The following DOP1B variants were observed in gnomAD, a reference collection of about 807,000 sequenced individuals.
DOP1B encodes protein DOP1B.
In DOP1B, 174 loss-of-function variants were observed where a neutral mutation model predicts 233.5. That is an observed-to-expected ratio of 0.75 (90% CI 0.66 to 0.85). The LOEUF (loss-of-function observed/expected upper bound fraction) is 0.85, where lower values mean the gene tolerates loss of function less well. Ranked by LOEUF, DOP1B falls within the 40% of genes least tolerant of loss-of-function variation. The probability of loss-of-function intolerance (pLI) is 0.00; values close to 1 mark genes in which losing one functional copy is unlikely to be tolerated. For synonymous variants in DOP1B, 1,190 were observed against 1,185.6 expected, an observed-to-expected ratio of 1.00 and a Z score of -0.08; for missense variants, 2,652 against 2,846.6, an observed-to-expected ratio of 0.93 and a Z score of 1.56.
Position 36,223,246 on chromosome 21 carries a change from CAG to C in DOP1B, c.1268_1269del (p.Arg423LysfsTer4). 6.2e-7 allele frequency: 1 copy of C among 1,602,730 alleles called. No homozygotes were observed. Among genetic ancestry groups the C allele is most frequent in the Non-Finnish European group, 8.5e-7 (1 of 1,177,016 alleles). ...NSLISAIKEN[R>X]NASEIVKTVN... ...CCTTTTACAGTGCAATCAAGGAAAA[CAG>C]AAATGCCTCTGAGATTGTCAAAACG... is the stretch of plus-strand genomic sequence containing the variant. On this transcript the variant is annotated frameshift_variant, in exon 11 of 37. Coordinates refer to ENST00000691173, the MANE Select transcript of DOP1B (RefSeq NM_001320714.2). LOFTEE classifies it high-confidence loss of function.
In DOP1B at chr21:36,239,825, C is replaced by T. The variant is rs1199273672; in HGVS notation, c.2937C>T (p.Ala979=). 1 of 1,571,020 alleles carries T rather than the reference C, an allele frequency of 6.4e-7. No individual in the cohort carries two copies. Among genetic ancestry groups the T allele is most frequent in the African/African-American group, 1.4e-5 (1 of 73,794 alleles). Residue 979 remains alanine, a synonymous_variant, in exon 18 of 37, where the codon GCC becomes GCT. Coordinates refer to ENST00000691173, the MANE Select transcript of DOP1B (RefSeq NM_001320714.2). The part of the protein sequence containing the change: ...ACTDGAIGAA[A]QGWLVRALSL... ...CGGATGGTGCCATCGGTGCGGCAGC[C>T]CAGGGCTGGCTGGTGCGTGCGCTCT... is the stretch of plus-strand genomic sequence containing the variant.
Position 36,211,455 on chromosome 21 carries a change from A to G in DOP1B, c.682-98A>G, listed in dbSNP as rs145927041. On this transcript the variant is annotated intron_variant, in intron 5 of 36. Coordinates refer to ENST00000691173, the MANE Select transcript of DOP1B (RefSeq NM_001320714.2). ...GGCTGCTGGTTCTCTTCTGAGTGAT[A>G]TAACGCAGGAGTTTCAAGATTCCCG... The G allele has an allele frequency of 9.3e-3, 10,221 of 1,094,704 alleles. 81 individuals are homozygous for G. Among genetic ancestry groups the G allele is most frequent in the Non-Finnish European group, 0.011 (8,309 of 724,940 alleles). 67.8% of individuals were successfully genotyped at this position (1,094,704 alleles called of 1,614,324 possible).
chr21:36,208,005 G>C (rs1202498256), intron 4 of DOP1B, among the ~76,000 whole-genome samples: 1 of 152,176 alleles, frequency 6.6e-6, no homozygotes, highest in Admixed American at 6.5e-5. Flanking sequence ...CTCTTAAAAG[G>C]ATGCATGAGA....
chr21:36,268,406 T>C (rs1234859706), intron 26 of DOP1B, among the ~76,000 whole-genome samples: 3 of 152,218 alleles, frequency 2.0e-5, no homozygotes, highest in Admixed American at 2.0e-4. Flanking sequence ...CCTTGTTCCC[T>C]AAAAATCACT....
At chr21:36,287,876 A>C (rs932030416) in intron 32 of DOP1B, 138 bp from the exon 33 acceptor site, 1 of 1,120,814 alleles carries the variant, frequency 8.9e-7, no homozygotes, top group African/African-American at 1.6e-5. Context: ...CGAGCCACCA[A>C]GCCTGGCCTG....
chr21:36,270,181 T>C (rs1211191622), intron 27 of DOP1B, 24 bp downstream of exon 27: 1 of 1,611,416 alleles, frequency 6.2e-7, no homozygotes, highest in East Asian at 2.2e-5. Context: ...GGTTGGCTGA[T>C]AGTGCCTCTG....
chr21:36,239,911 C>G lies in DOP1B; in HGVS notation c.3023C>G (p.Thr1008Ser). Residue 1008 changes from threonine (T) to serine (S), a missense_variant, in exon 18 of 37, where the codon ACC becomes AGC. Coordinates refer to ENST00000691173, the MANE Select transcript of DOP1B (RefSeq NM_001320714.2). ...PVLLLLLQPK[T>S]QRTSIHCLKQ... ...CTCCTGCTGCTGCTGCAGCCAAAAACCCAGAGAACCTCCATCCACTGCCTC... is the reference window on the plus strand; with the variant it reads ...CTCCTGCTGCTGCTGCAGCCAAAAAGCCAGAGAACCTCCATCCACTGCCTC... 1 of 1,610,404 alleles carries G rather than the reference C, an allele frequency of 6.2e-7. No homozygotes were observed. The highest frequency in any genetic ancestry group is 8.5e-7 in the Non-Finnish European group (1 of 1,179,488).
chr21:36,231,144 A>G lies in DOP1B; in HGVS notation c.2350+10A>G. 1 of 1,564,366 alleles carries G rather than the reference A, an allele frequency of 6.4e-7. No homozygotes were observed. Among genetic ancestry groups the G allele is most frequent in the Non-Finnish European group, 8.7e-7 (1 of 1,152,360 alleles). On this transcript the variant is annotated intron_variant, in intron 14 of 36. Transcript: ENST00000691173. ...CTCTTCCAGCTGCCAGGTGAGAGGC[A>G]GCCCTGCCGAAGTCCCTCTTTGGGA...
At chr21:36,286,774 C>T (rs1429461176) in intron 32 of DOP1B, among the ~76,000 whole-genome samples, 2 of 152,018 alleles carry the variant, frequency 1.3e-5, no homozygotes, top group African/African-American at 4.8e-5. Context: ...ATCAGCCTGG[C>T]CAACATGGCT....
chr21:36,266,326 G>A (rs963305467), intron 26 of DOP1B, among the ~76,000 whole-genome samples: 1 of 151,998 alleles, frequency 6.6e-6, no homozygotes, highest in Non-Finnish European at 1.5e-5. Context: ...ACAGGTGCCC[G>A]CCACAATGCC....
chr21:36,190,497 A>G (rs2066220952), intron 2 of DOP1B, among the ~76,000 whole-genome samples: 1 of 151,768 alleles, frequency 6.6e-6, no homozygotes, highest in Admixed American at 6.6e-5. Context: ...TCCCGGGTTC[A>G]AGTGATCCTC....
chr21:36,219,351 C>T (rs1273165237), intron 9 of DOP1B, 21 bp from the exon 10 acceptor site: 1 of 1,614,002 alleles, frequency 6.2e-7, no homozygotes, highest in South Asian at 1.1e-5. Context: ...CTGTCTCTGA[C>T]CATCTTCCTT....
In DOP1B at chr21:36,245,429, TG is replaced by T. The variant is rs764554714; in HGVS notation, c.3455del (p.Gly1152AlafsTer25). ...NEENCCAPIP[M>X]GGRAYPKRSA... The stretch of plus-strand genomic sequence containing the variant: ...GAGAACTGCTGTGCACCCATCCCCA[TG>T]GGGGGCAGGGCGTACCCCAAGCGCT... On this transcript the variant is annotated frameshift_variant, in exon 19 of 37. Transcript: ENST00000691173. LOFTEE classifies it high-confidence loss of function. This position sits in a 1 kb window ranked among gnomAD's most constrained non-coding sequence, Gnocchi z 5.5. 2.5e-6 allele frequency: 4 copies of T among 1,613,738 alleles called. No individual in the cohort carries two copies. Among genetic ancestry groups the T allele is most frequent in the Admixed American group, 1.7e-5 (1 of 60,000 alleles).
At chr21:36,202,389 A>G (rs2066378621) in intron 4 of DOP1B, among the ~76,000 whole-genome samples, 1 of 152,166 alleles carries the variant, frequency 6.6e-6, no homozygotes, top group Non-Finnish European at 1.5e-5. Flanking sequence ...AAAAGCTGCC[A>G]TGTGATTACA....
intron 21 of DOP1B, among the ~76,000 whole-genome samples, chr21:36,248,939 T>G (rs1182698075): frequency 6.6e-6 from 1 of 151,542 alleles, no homozygotes; most frequent in African/African-American, 2.4e-5. Flanking sequence ...ACCCCATCTC[T>G]ACTAAAAATA....
At chr21:36,243,695 A>G (rs1039508146) in intron 18 of DOP1B, among the ~76,000 whole-genome samples, 1 of 151,096 alleles carries the variant, frequency 6.6e-6, no homozygotes, top group African/African-American at 2.4e-5. Context: ...TTTTAGAGAC[A>G]GGGGTCTCAC....
intron 27 of DOP1B, among the ~76,000 whole-genome samples, chr21:36,272,856 T>A (rs2067304469): frequency 6.6e-6 from 1 of 150,760 alleles, no homozygotes; most frequent in Admixed American, 6.6e-5. Context: ...TGGTGGCGCA[T>A]GCCTGGAATC....
At chr21:36,272,519 G>A (rs1031134476) in intron 27 of DOP1B, among the ~76,000 whole-genome samples, 16 of 151,762 alleles carry the variant, frequency 1.1e-4, no homozygotes, top group Non-Finnish European at 2.1e-4. Context: ...GTATGGTGGC[G>A]GGCATCTGTA....
intron 2 of DOP1B, among the ~76,000 whole-genome samples, chr21:36,176,255 T>A (rs1216822925): frequency 6.6e-6 from 1 of 152,102 alleles, no homozygotes; most frequent in Non-Finnish European, 1.5e-5. Context: ...ATCCTACATG[T>A]CTGCTGGGGG....
Sources: allele counts gnomAD v4.1 joint callset (sites outside exome capture counted in the v4.1 genomes callset), GRCh38; gene constraint gnomAD v4.1.1; non-coding constraint Gnocchi (gnomAD v3.1); transcripts MANE v1.5; gene names NCBI Gene and HGNC (gene_info 2026-07-23, HGNC 2026-07-21).